Variants in SYTL2 observed in about 807,000 individuals in gnomAD.
SYTL2 encodes synaptotagmin-like protein 2.
In SYTL2, 165 loss-of-function variants were observed where a neutral mutation model predicts 198.7. The ratio of observed to expected loss-of-function variants is 0.83; its 90% confidence interval spans 0.73 to 0.94. The LOEUF (loss-of-function observed/expected upper bound fraction) is 0.94, where lower values mean the gene tolerates loss of function less well. SYTL2 is among the 40% of genes least tolerant of loss of function. The pLI is 0.00. For synonymous variants in SYTL2, 966 were observed against 917.7 expected, an observed-to-expected ratio of 1.05 and a Z score of -0.95; for missense variants, 2,835 against 2,582.8, an observed-to-expected ratio of 1.10 and a Z score of -2.12.
intron 1 of SYTL2, among the ~76,000 whole-genome samples, chr11:85,787,732 T>C (rs1275174576): frequency 3.6e-5 from 5 of 139,362 alleles, no homozygotes; most frequent in Non-Finnish European, 6.3e-5. Flanking sequence ...ATTTTTATGG[T>C]ATTTAGTATA....
Position 85,734,582 on chromosome 11 carries a change from G to C in SYTL2, c.747C>G (p.Asn249Lys). The change falls in exon 7 of 20, where the codon AAC becomes AAG. Residue 249 changes from asparagine to lysine, a missense_variant. By Grantham distance (94) the Asn-to-Lys change is moderately conservative. Coordinates refer to ENST00000359152, the MANE Select transcript of SYTL2 (RefSeq NM_206927.4). ...RKMIYKSTDL[N>K]KDDNQSFPRQ... ...TAGGAAAAGACTGGTTATCATCTTTGTTTAAATCAGTTGATTTGTAGATCA... is the reference window on the plus strand; with the variant it reads ...TAGGAAAAGACTGGTTATCATCTTTCTTTAAATCAGTTGATTTGTAGATCA... 1 of 1,614,174 alleles carries C rather than the reference G, an allele frequency of 6.2e-7. No individual in the cohort carries two copies. The highest frequency in any genetic ancestry group is 8.5e-7 in the Non-Finnish European group (1 of 1,180,026).
chr11:85,818,730 ACC>A, the SYTL2 span, among the ~76,000 whole-genome samples: 6 of 151,638 alleles, frequency 4.0e-5, no homozygotes, highest in Non-Finnish European at 7.4e-5. Flanking sequence ...TCGCTCTATC[ACC>A]CAGACTGCAG....
chr11:85,820,934 A>G, the SYTL2 span, among the ~76,000 whole-genome samples: 8 of 152,212 alleles, frequency 5.3e-5, no homozygotes, highest in African/African-American at 1.7e-4. Context: ...GAACTTTTCA[A>G]TCACTTTAGA....
chr11:85,725,276 A>G lies in SYTL2; in HGVS notation c.4082T>C (p.Leu1361Pro). The G allele has an allele frequency of 6.2e-7, 1 of 1,614,194 alleles. No homozygotes were observed. The highest frequency in any genetic ancestry group is 8.5e-7 in the Non-Finnish European group (1 of 1,180,022). ...EISETVEKVI[L>P]PPRPVLNDVS... ...ATCATTCAATACAGGTCTGGGTGGA[A>G]GAATGACTTTCTCTACAGTCTCCGA... Residue 1361 changes from leucine (L) to proline (P), a missense_variant, in exon 8 of 20, where the codon CTT (leucine) becomes CCT (proline). Physicochemically the swap from Leu to Pro is moderately conservative, Grantham distance 98. Around this residue, in one of 3 missense-constraint regions of SYTL2, gnomAD observed 2,645 missense variants for 2,381.7 expected, o/e 1.11. Coordinates refer to ENST00000359152, the MANE Select transcript of SYTL2 (RefSeq NM_206927.4).
intron 1 of SYTL2, among the ~76,000 whole-genome samples, chr11:85,810,069 G>GGTCT (rs2093010829): frequency 3.9e-5 from 6 of 152,092 alleles, no homozygotes; most frequent in African/African-American, 1.2e-4. Flanking sequence ...CACCTTCCAG[G>GGTCT]GTCTATCTGT....
At chr11:85,742,234 A>G (rs925877715) in intron 4 of SYTL2, among the ~76,000 whole-genome samples, 9 of 152,182 alleles carry the variant, frequency 5.9e-5, no homozygotes, top group Non-Finnish European at 1.3e-4. Flanking sequence ...TCTCATAGCT[A>G]TGCAAATCTG....
Position 85,723,425 on chromosome 11 carries a change from G to A in SYTL2, c.5326+607C>T, listed in dbSNP as rs769320272. On this transcript the variant is annotated intron_variant, in intron 8 of 19. Coordinates refer to ENST00000359152, the MANE Select transcript of SYTL2 (RefSeq NM_206927.4). ...CAAAACACCACAGCACAAGGTATCT[G>A]AGGGAAGGAAAGTTCCGGCCTTGTA... Among the ~76,000 whole-genome samples, 9 of 152,230 alleles carry A rather than the reference G, an allele frequency of 5.9e-5. 1 individual carries two copies. Among genetic ancestry groups the A allele is most frequent in the Non-Finnish European group, 1.0e-4 (7 of 68,042 alleles).
chr11:85,747,717 C>T (rs2091251478), intron 3 of SYTL2, among the ~76,000 whole-genome samples: 2 of 152,166 alleles, frequency 1.3e-5, no homozygotes, highest in Admixed American at 1.3e-4. Context: ...CAAGGAGATG[C>T]TGTGTCAGCT....
Position 85,786,313 on chromosome 11 carries a change from T to C in SYTL2, c.-390+24641A>G, listed in dbSNP as rs186018968. Among the ~76,000 whole-genome samples, 138 of 152,268 alleles carry C rather than the reference T, an allele frequency of 9.1e-4. 1 individual carries two copies. Among genetic ancestry groups the C allele is most frequent in the African/African-American group, 3.2e-3 (132 of 41,530 alleles). Reference sequence around the variant, plus strand: ...AAGAACAAATGGAAAGAATCTGTGGTGGTGTAACTGGTCAGTATCTGGCCA... The same window carrying C: ...AAGAACAAATGGAAAGAATCTGTGGCGGTGTAACTGGTCAGTATCTGGCCA... On this transcript the variant is annotated intron_variant, in intron 1 of 19. Coordinates refer to ENST00000359152, the MANE Select transcript of SYTL2 (RefSeq NM_206927.4).
the SYTL2 span, among the ~76,000 whole-genome samples, chr11:85,845,439 C>G: frequency 6.6e-6 from 1 of 152,098 alleles, no homozygotes; most frequent in Non-Finnish European, 1.5e-5. Context: ...TAATAGACAA[C>G]TAATACACTA....
intron 1 of SYTL2, among the ~76,000 whole-genome samples, chr11:85,784,152 C>G (rs7925465): frequency 0.079 from 11,962 of 152,212 alleles, 908 homozygotes; most frequent in African/African-American, 0.2. Context: ...CCTGGCAGAA[C>G]CCTCACCTTT....
At chr11:85,709,127 C>G (rs930647704) in intron 14 of SYTL2, among the ~76,000 whole-genome samples, 2 of 152,074 alleles carry the variant, frequency 1.3e-5, no homozygotes, top group Non-Finnish European at 2.9e-5. Context: ...CGTGAGCCAC[C>G]GTGCCCGGCC....
At chr11:85,791,023 C>G (rs533680763) in intron 1 of SYTL2, among the ~76,000 whole-genome samples, 2 of 151,424 alleles carry the variant, frequency 1.3e-5, no homozygotes, top group African/African-American at 2.4e-5. Flanking sequence ...AAAAATTAGC[C>G]GGGCATGGTG....
the SYTL2 span, among the ~76,000 whole-genome samples, chr11:85,842,354 C>A: frequency 6.6e-6 from 1 of 152,204 alleles, no homozygotes; most frequent in Non-Finnish European, 1.5e-5. Flanking sequence ...GCCGGGGAAT[C>A]GATGCCCTCA....
chr11:85,804,107 T>C (rs551121396), intron 1 of SYTL2, among the ~76,000 whole-genome samples: 1 of 152,370 alleles, frequency 6.6e-6, no homozygotes, highest in Admixed American at 6.5e-5. Flanking sequence ...TTAAATAGTA[T>C]ACTAAGTTGC....
chr11:85,770,348 C>T (rs746234348), intron 1 of SYTL2, among the ~76,000 whole-genome samples: 3 of 152,230 alleles, frequency 2.0e-5, no homozygotes, highest in Admixed American at 6.5e-5. Flanking sequence ...CTCATGTAGG[C>T]GGATGTAATT....
intron 2 of SYTL2, 63 bp from the exon 3 acceptor site, chr11:85,748,486 A>T: frequency 1.3e-6 from 2 of 1,529,720 alleles, no homozygotes; most frequent in Non-Finnish European, 1.8e-6. Context: ...GTTCATTATG[A>T]CACCGCATAA....
rs971331314 is a variant in SYTL2 at position 85,745,489 on chromosome 11, G to A, written c.389+148C>T. 4.8e-5 allele frequency: 35 copies of A among 725,058 alleles called. No individual in the cohort carries two copies. In the East Asian group the frequency reaches 6.3e-4, roughly 13 times the overall value. 44.9% of individuals were successfully genotyped at this position (725,058 alleles called of 1,614,324 possible). ...GTACCACTTGGGCTTTATCTGCATC[G>A]GGGCCCAGAATTCTCTCATACACTG... On this transcript the variant is annotated intron_variant, in intron 4 of 19. Coordinates refer to ENST00000359152, the MANE Select transcript of SYTL2 (RefSeq NM_206927.4).
intron 1 of SYTL2, among the ~76,000 whole-genome samples, chr11:85,800,516 C>T (rs2092870395): frequency 6.6e-6 from 1 of 152,150 alleles, no homozygotes; most frequent in South Asian, 2.1e-4. Context: ...TGGGTTCAAG[C>T]AATCCTCCCA....
Sources: gnomAD v4.1 joint callset for allele counts (sites outside exome capture counted in the v4.1 genomes callset) on GRCh38, gnomAD v4.1.1 for gene constraint, gnomAD v4.1.1 regional missense constraint, MANE v1.5 for transcripts, NCBI Gene and HGNC (gene_info 2026-07-23, HGNC 2026-07-21) for gene names.